Variants in ZNF519 observed in about 807,000 individuals in gnomAD.
The protein encoded by ZNF519 is zinc finger protein 519.
A neutral mutation model predicts 7.4 loss-of-function variants in ZNF519; 7 were observed. The observed-to-expected ratio is 0.94, with a 90% CI of 0.54 to 1.77. The LOEUF is 1.77. Ranked by LOEUF, ZNF519 falls within the 40% of genes most tolerant of loss-of-function variation. The pLI is 0.00. For synonymous variants in ZNF519, 179 were observed against 203.3 expected (o/e 0.88, Z 1.02); for missense variants, 586 against 623.1 (o/e 0.94, Z 0.63).
At chr18:14,082,279 A>G (rs1271838814) in intron 3 of ZNF519, 1 of 152,228 alleles carries the variant, frequency 6.6e-6, no homozygotes, top group Non-Finnish European at 1.5e-5. Context: ...CATGCTGAAC[A>G]GCATAATATA....
rs1214250548 is a variant in ZNF519, at chr18:14,113,347, G to C, written c.131-6938C>G. On this transcript the variant is annotated intron_variant, in intron 2 of 2. Coordinates refer to ENST00000590202, the MANE Select transcript of ZNF519 (RefSeq NM_145287.4). ...GGAAAGGCTAGTCAGAAACTCAAAA[G>C]AATGCAACCGTTTGTCTCCCACCTA... 4.6e-5 allele frequency among the ~76,000 whole-genome samples: 7 copies of C among 152,132 alleles called. No homozygotes were observed. The East Asian group carries it at 1.2e-3, about 25-fold the overall frequency.
At position 14,106,371 on chromosome 18, in the gene ZNF519, G is replaced by A. The variant is rs374950878; in HGVS notation, c.169C>T (p.Gln57Ter). Residue 57 changes from glutamine to a stop codon, truncating the protein, a stop_gained, in exon 3 of 3, where the codon CAA becomes TAA. Transcript: ENST00000590202. LOFTEE classifies it low-confidence loss of function (END_TRUNC). ...TTTTTGAATGAATCTTGTATGCCTT[G>A]CTCTGGTAAAATGCCTTGGTTGTAA... Reference protein sequence around the residue: ...SYYNQGILPEQGIQDSFKKAT... With the variant: ...SYYNQGILPE 34 of 1,606,084 alleles carry A rather than the reference G, an allele frequency of 2.1e-5. No homozygotes were observed. The Middle Eastern group carries it at 1.8e-3, about 86-fold the overall frequency.
chr18:14,099,196 C>T (rs796378720), downstream of ZNF519, among the ~76,000 whole-genome samples: 34 of 152,240 alleles, frequency 2.2e-4, no homozygotes, highest in African/African-American at 7.9e-4. Context: ...CTAGCCTCCC[C>T]CGACCTGCCT....
intron 1 of ZNF519, among the ~76,000 whole-genome samples, chr18:14,125,591 T>A (rs1306523112): frequency 6.6e-6 from 1 of 152,160 alleles, no homozygotes. Flanking sequence ...TGCAATTCAG[T>A]GTTTGTATTT....
At chr18:14,072,318 T>G (rs79576256), downstream of ZNF519, 1 of 152,326 alleles carries the variant, frequency 6.6e-6, no homozygotes, top group African/African-American at 2.4e-5. Context: ...AACTCATTAC[T>G]GATACTCGGT....
At chr18:14,122,772 T>C (rs1478585030) in intron 2 of ZNF519, among the ~76,000 whole-genome samples, 2 of 152,094 alleles carry the variant, frequency 1.3e-5, no homozygotes, top group Non-Finnish European at 2.9e-5. Flanking sequence ...AAAATTCACA[T>C]TTCCAAGTGA....
At chr18:14,090,893 C>G (rs1693609768) in intron 2 of ZNF519, 1 of 152,340 alleles carries the variant, frequency 6.6e-6, no homozygotes, top group South Asian at 2.1e-4. Context: ...AAGTACATTT[C>G]TCAAGATAAA....
chr18:14,089,966 T>C (rs2046107379), intron 2 of ZNF519: 1 of 152,178 alleles, frequency 6.6e-6, no homozygotes. Context: ...TGCGGTGCAA[T>C]GGAGGGACTG....
Position 14,106,238 on chromosome 18 carries a change from C to T in ZNF519, c.302G>A (p.Cys101Tyr), listed in dbSNP as rs773265816. Residue 101 changes from cysteine to tyrosine, a missense_variant, in exon 3 of 3, where the codon TGT becomes TAT. Transcript: ENST00000590202. The part of the protein sequence containing the change: ...GEGQKECYNL[C>Y]SQYLTTSHNK... ...ATGACTAGTTGTCAAATATTGGCTA[C>T]ATAGATTATAACATTCCTTTTGTCC... 1.2e-6 allele frequency: 2 copies of T among 1,613,402 alleles called. No individual in the cohort carries two copies. Among genetic ancestry groups the T allele is most frequent in the East Asian group, 2.2e-5 (1 of 44,838 alleles).
At chr18:14,073,803 A>G (rs187920400), downstream of ZNF519, 3 of 152,352 alleles carry the variant, frequency 2.0e-5, no homozygotes, top group East Asian at 5.8e-4. Flanking sequence ...AGCAGTATTT[A>G]TAAGAAAGTG....
Position 14,122,647 on chromosome 18 carries a change from CAGA to C in ZNF519, c.130+1700_130+1702del, listed in dbSNP as rs143558069. 1,170 of 151,976 alleles carry C rather than the reference CAGA, an allele frequency of 7.7e-3. 17 individuals are homozygous for C. The highest frequency in any genetic ancestry group is 0.026 in the African/African-American group (1,068 of 41,452). The allele number at this position is 151,976 out of a possible 1,614,324, so 9.4% of individuals were successfully genotyped here. On this transcript the variant is annotated intron_variant, in intron 2 of 2. Coordinates refer to ENST00000590202, the MANE Select transcript of ZNF519 (RefSeq NM_145287.4). ...TCTTAGAAAATTTAAGAGCATGAGA[CAGA>C]AGATGTCCCTATCTGTGAATATGAA...
downstream of ZNF519, among the ~76,000 whole-genome samples, chr18:14,099,136 C>A (rs1452471669): frequency 6.6e-6 from 1 of 152,106 alleles, no homozygotes; most frequent in Non-Finnish European, 1.5e-5. Context: ...GGAAGCCTCA[C>A]CTCCCCTCTA....
At chr18:14,126,025 G>GT (rs534980894) in intron 1 of ZNF519, among the ~76,000 whole-genome samples, 2 of 152,114 alleles carry the variant, frequency 1.3e-5, no homozygotes, top group Non-Finnish European at 2.9e-5. Flanking sequence ...AAAGTATATA[G>GT]TTTTTCCCCT....
At chr18:14,074,797 A>T (rs2046041370), downstream of ZNF519, 1 of 152,304 alleles carries the variant, frequency 6.6e-6, no homozygotes, top group Non-Finnish European at 1.5e-5. Context: ...CATCTCAAGT[A>T]TTCCAACCTT....
chr18:14,080,064 A>G (rs2046064254), intron 3 of ZNF519: 1 of 152,116 alleles, frequency 6.6e-6, no homozygotes, highest in Admixed American at 6.6e-5. Context: ...TAAATGAGCC[A>G]AAGACTTTAG....
intron 3 of ZNF519, chr18:14,080,108 A>T (rs1598506388): frequency 6.6e-6 from 1 of 152,262 alleles, no homozygotes; most frequent in East Asian, 1.9e-4. Flanking sequence ...CACAGATGAC[A>T]AAGAGGCAGA....
At chr18:14,099,367 T>C (rs765351982), downstream of ZNF519, among the ~76,000 whole-genome samples, 1 of 152,224 alleles carries the variant, frequency 6.6e-6, no homozygotes, top group Admixed American at 6.5e-5. Context: ...GAGGAAAGCA[T>C]TATAACTCAT....
At position 14,100,370 on chromosome 18, in the gene ZNF519, T is replaced by TAAA. The variant is rs2046154986; in HGVS notation, c.*4546_*4547insTTT. 1.3e-5 allele frequency: 2 copies of TAAA among 152,184 alleles called. No individual in the cohort carries two copies. Among genetic ancestry groups the TAAA allele is most frequent in the Non-Finnish European group, 2.9e-5 (2 of 68,038 alleles). The allele number at this position is 152,184 out of a possible 1,614,324, so 9.4% of individuals were successfully genotyped here. The stretch of plus-strand genomic sequence containing the variant: ...TCATATGAAACCTAGTACATGAATG[T>TAAA]ACATAGCACTTTTATTCATAATAGC... On this transcript the variant is annotated 3_prime_UTR_variant, in exon 3 of 3. Transcript: ENST00000590202.
intron 2 of ZNF519, 25 bp from the exon 3 acceptor site, chr18:14,106,434 T>G (rs1448048098): frequency 6.5e-7 from 1 of 1,529,422 alleles, no homozygotes; most frequent in African/African-American, 1.4e-5. Context: ...AATAACTAAT[T>G]ATTCTACATA....
Sources: allele counts gnomAD v4.1 joint callset (sites outside exome capture counted in the v4.1 genomes callset), GRCh38; gene constraint gnomAD v4.1.1; transcripts MANE v1.5; gene names NCBI Gene and HGNC (gene_info 2026-07-23, HGNC 2026-07-21).